Variants in JAM2 observed in about 807,000 individuals in gnomAD.
The protein encoded by JAM2 is junctional adhesion molecule B.
JAM2 carries 17 observed loss-of-function variants against 42.0 expected under a neutral mutation model. The ratio of observed to expected loss-of-function variants is 0.40; its 90% CI spans 0.28 to 0.61. The LOEUF (loss-of-function observed/expected upper bound fraction) is 0.61, where lower values mean the gene tolerates loss of function less well. JAM2 is among the 20% of genes least tolerant of loss of function. The probability of loss-of-function intolerance (pLI) is 0.37; values close to 1 mark genes in which losing one functional copy is unlikely to be tolerated. For missense variants in JAM2, 319 were observed against 358.3 expected, an observed-to-expected ratio of 0.89 and a Z score of 0.89; for synonymous variants, 118 against 128.6, an observed-to-expected ratio of 0.92 and a Z score of 0.56.
At chr21:25,645,077 C>T (rs1208157653) in intron 1 of JAM2, among the ~76,000 whole-genome samples, 2 of 152,150 alleles carry the variant, frequency 1.3e-5, no homozygotes, top group Non-Finnish European at 2.9e-5. Context: ...GACTGGGTTT[C>T]GTCATGTTGG....
chr21:25,680,280 T>C (rs2123362856), intron 1 of JAM2, among the ~76,000 whole-genome samples: 1 of 152,368 alleles, frequency 6.6e-6, no homozygotes, highest in Non-Finnish European at 1.5e-5. Context: ...GAACATACCC[T>C]ATTTTTCTCT....
At chr21:25,660,819 G>A (rs1447283112) in intron 1 of JAM2, among the ~76,000 whole-genome samples, 3 of 73,550 alleles carry the variant, frequency 4.1e-5, no homozygotes, top group African/African-American at 6.9e-5. Context: ...TTTTGAGACA[G>A]AGTCTCACCC....
chr21:25,656,815 C>G (rs895313641), intron 1 of JAM2, among the ~76,000 whole-genome samples: 1 of 152,178 alleles, frequency 6.6e-6, no homozygotes, highest in East Asian at 1.9e-4. Flanking sequence ...ATAATTTGAA[C>G]AATCACATAT....
chr21:25,673,412 A>G (rs921374196), intron 1 of JAM2, among the ~76,000 whole-genome samples: 1 of 152,210 alleles, frequency 6.6e-6, no homozygotes, highest in African/African-American at 2.4e-5. Context: ...TCTTATACTT[A>G]AGTTGTCGAA....
At chr21:25,654,723 A>G (rs1307895058) in intron 1 of JAM2, among the ~76,000 whole-genome samples, 1 of 152,176 alleles carries the variant, frequency 6.6e-6, no homozygotes, top group Non-Finnish European at 1.5e-5. Context: ...CTCCAAAAAA[A>G]GAAAATGACC....
At chr21:25,674,264 A>G (rs1028628089) in intron 1 of JAM2, among the ~76,000 whole-genome samples, 4 of 152,104 alleles carry the variant, frequency 2.6e-5, no homozygotes, top group African/African-American at 9.7e-5. Flanking sequence ...GTGTGGTGGC[A>G]CGTGCCTGTG....
chr21:25,689,322 C>A (rs2033824878), intron 2 of JAM2, among the ~76,000 whole-genome samples: 1 of 152,138 alleles, frequency 6.6e-6, no homozygotes, highest in Non-Finnish European at 1.5e-5. Flanking sequence ...GAGAATATAG[C>A]ATGTTGTGGA....
In JAM2 at chr21:25,683,861, C is replaced by T. The variant is rs2033691406; in HGVS notation, c.68-22C>T. 2.6e-6 allele frequency: 4 copies of T among 1,534,024 alleles called. No homozygotes were observed. In the South Asian group the frequency reaches 3.4e-5, roughly 13 times the overall value. On this transcript the variant is annotated intron_variant, in intron 1 of 9. Coordinates refer to ENST00000480456, the MANE Select transcript of JAM2 (RefSeq NM_021219.4). Reference sequence around the variant, plus strand: ...TGAACTTTTGTATAATTTTAATTATCCTATCTGTTTTAATCTTTCAGATCA... The same window carrying T: ...TGAACTTTTGTATAATTTTAATTATTCTATCTGTTTTAATCTTTCAGATCA...
intron 1 of JAM2, among the ~76,000 whole-genome samples, chr21:25,681,479 C>A (rs2033629777): frequency 6.6e-6 from 1 of 152,158 alleles, no homozygotes; most frequent in Non-Finnish European, 1.5e-5. Context: ...CGTGAGAACT[C>A]ACTCACTGTC....
intron 2 of JAM2, 98 bp from the exon 3 acceptor site, chr21:25,689,768 G>A (rs2033834689): frequency 2.9e-5 from 21 of 731,064 alleles, no homozygotes. Flanking sequence ...AACTATAAAG[G>A]AGTAATTTAA....
chr21:25,684,360 T>C (rs2033703152), intron 2 of JAM2, among the ~76,000 whole-genome samples: 1 of 152,218 alleles, frequency 6.6e-6, no homozygotes, highest in African/African-American at 2.4e-5. Flanking sequence ...TTTTAGCTTC[T>C]TAAAAATGTT....
At chr21:25,699,757 G>GAAAAA (rs2034127416) in intron 5 of JAM2, among the ~76,000 whole-genome samples, 1 of 114,124 alleles carries the variant, frequency 8.8e-6, no homozygotes. Context: ...AAAAAAAAAT[G>GAAAAA]CATGCTGCCT....
intron 8 of JAM2, among the ~76,000 whole-genome samples, chr21:25,710,746 C>A (rs2034367765): frequency 6.6e-6 from 1 of 152,180 alleles, no homozygotes. Flanking sequence ...CCCTTTTAGG[C>A]AGTCGTGAGG....
In JAM2 at chr21:25,703,100, C is replaced by A. The variant is rs183547499; in HGVS notation, c.697+831C>A. Among the ~76,000 whole-genome samples the A allele has an allele frequency of 7.9e-5, 12 of 152,346 alleles. No homozygotes were observed. In the East Asian group the frequency reaches 2.3e-3, roughly 29 times the overall value. Reference sequence around the variant, plus strand: ...CTCCTGACCTCAGGTGATCCGCCCACCTTGGCCTCCCAAAGTGCTGGGATT... The same window carrying A: ...CTCCTGACCTCAGGTGATCCGCCCAACTTGGCCTCCCAAAGTGCTGGGATT... On this transcript the variant is annotated intron_variant, in intron 6 of 9. Transcript: ENST00000480456.
chr21:25,684,769 G>A (rs1208932324), intron 2 of JAM2, among the ~76,000 whole-genome samples: 1 of 151,740 alleles, frequency 6.6e-6, no homozygotes, highest in Non-Finnish European at 1.5e-5. Context: ...CTAATTTTTT[G>A]TATTTTTTTG....
In JAM2 at chr21:25,696,778, T is replaced by A. The variant is rs79105264; in HGVS notation, c.395-1899T>A. Among the ~76,000 whole-genome samples the A allele has an allele frequency of 6.1e-3, 932 of 152,324 alleles. 1 individual carries two copies. The highest frequency in any genetic ancestry group is 0.011 in the Non-Finnish European group (719 of 68,016). The stretch of plus-strand genomic sequence containing the variant: ...CTGTTCCATGCTGGCTATCAGTTCG[T>A]GGGCCACACTCAACTCCTAGAGGCC... On this transcript the variant is annotated intron_variant, in intron 4 of 9. Transcript: ENST00000480456.
Position 25,698,760 on chromosome 21 carries a change from G to A in JAM2, c.478G>A (p.Gly160Arg). ...AGAGCTACGATGTCAAGACAAAGAA[G>A]GGAATCCAGCTCCTGAATACACATG... ...VVELRCQDKE[G>R]NPAPEYTWFK... Residue 160 changes from glycine to arginine, a missense_variant, in exon 5 of 10, where the codon GGG becomes AGG. Gly to Arg is a moderately radical substitution (Grantham distance 125). Transcript: ENST00000480456. The A allele has an allele frequency of 1.2e-6, 2 of 1,614,148 alleles. No individual in the cohort carries two copies. The highest frequency in any genetic ancestry group is 2.2e-5 in the South Asian group (2 of 91,082).
chr21:25,702,687 G>C (rs990994448), intron 6 of JAM2, among the ~76,000 whole-genome samples: 2 of 152,154 alleles, frequency 1.3e-5, no homozygotes, highest in African/African-American at 4.8e-5. Flanking sequence ...GACATTTATA[G>C]TCAACGTAGC....
intron 1 of JAM2, among the ~76,000 whole-genome samples, chr21:25,645,703 G>C (rs544089350): frequency 6.6e-6 from 1 of 152,168 alleles, no homozygotes; most frequent in Non-Finnish European, 1.5e-5. Context: ...AGGTGATTTT[G>C]TTATTGTGTG....
Sources: allele counts gnomAD v4.1 joint callset (sites outside exome capture counted in the v4.1 genomes callset), GRCh38; gene constraint gnomAD v4.1.1; transcripts MANE v1.5; gene names NCBI Gene and HGNC (gene_info 2026-07-23, HGNC 2026-07-21).